Variants in RPS6KC1 observed in about 807,000 individuals in gnomAD.
RPS6KC1 encodes ribosomal protein S6 kinase C1.
A neutral mutation model predicts 103.8 loss-of-function variants in RPS6KC1; 54 were observed. The ratio of observed to expected loss-of-function variants is 0.52; its 90% CI spans 0.42 to 0.65. The LOEUF is 0.65. Ranked by LOEUF, RPS6KC1 falls within the 30% of genes least tolerant of loss-of-function variation. RPS6KC1 has a pLI of 0.00. For synonymous variants in RPS6KC1, 439 were observed against 438.7 expected (o/e 1.00, Z -0.01); for missense variants, 1,151 against 1,253.8 (o/e 0.92, Z 1.24).
the RPS6KC1 span, among the ~76,000 whole-genome samples, chr1:213,745,180 A>G: frequency 6.6e-6 from 1 of 152,078 alleles, no homozygotes; most frequent in Non-Finnish European, 1.5e-5. Flanking sequence ...AATAGGTTGA[A>G]GGAACTGATT....
chr1:213,730,364 G>T, the RPS6KC1 span, among the ~76,000 whole-genome samples: 1 of 152,152 alleles, frequency 6.6e-6, no homozygotes, highest in East Asian at 1.9e-4. Flanking sequence ...TTCCACAATG[G>T]TTGAACTAAT....
the RPS6KC1 span, among the ~76,000 whole-genome samples, chr1:213,295,151 A>G: frequency 2.3e-3 from 343 of 152,272 alleles, 3 homozygotes; most frequent in African/African-American, 7.8e-3. Flanking sequence ...TATCCTGTCA[A>G]TGTGGAAGTT....
At chr1:213,474,523 G>A in the RPS6KC1 span, among the ~76,000 whole-genome samples, 1 of 152,304 alleles carries the variant, frequency 6.6e-6, no homozygotes, top group Admixed American at 6.5e-5. Context: ...AATTTATCAA[G>A]CAGGCTGAAG....
chr1:213,526,971 TTC>T, the RPS6KC1 span, among the ~76,000 whole-genome samples: 1 of 152,228 alleles, frequency 6.6e-6, no homozygotes, highest in Non-Finnish European at 1.5e-5. Context: ...ACTGAGCCAA[TTC>T]ATTGGATGGC....
At chr1:213,660,321 G>T in the RPS6KC1 span, among the ~76,000 whole-genome samples, 2 of 152,220 alleles carry the variant, frequency 1.3e-5, no homozygotes, top group African/African-American at 4.8e-5. Context: ...TCCAGAAGCT[G>T]TAGGGGATTT....
At chr1:213,637,857 G>A in the RPS6KC1 span, among the ~76,000 whole-genome samples, 26 of 151,724 alleles carry the variant, frequency 1.7e-4, no homozygotes, top group Admixed American at 7.9e-4. Context: ...TGTCTCACTC[G>A]TTTGCCTAGG....
Position 213,241,266 on chromosome 1 carries a change from C to G in RPS6KC1, c.1790C>G (p.Pro597Arg). Residue 597 changes from proline (P) to arginine (R), a missense_variant, in exon 11 of 15, where the codon CCC becomes CGC. Coordinates refer to ENST00000366960, the MANE Select transcript of RPS6KC1 (RefSeq NM_012424.6). Reference sequence around the variant, plus strand: ...TCCCTCAGTAGATCAAAAAATAGCCCCATGGAATTCTTTAGGATAGACAGT... The same window carrying G: ...TCCCTCAGTAGATCAAAAAATAGCCGCATGGAATTCTTTAGGATAGACAGT... ...SDSLSRSKNS[P>R]MEFFRIDSKD... The G allele has an allele frequency of 1.9e-6, 3 of 1,613,832 alleles. No individual in the cohort carries two copies. Among genetic ancestry groups the G allele is most frequent in the Non-Finnish European group, 2.5e-6 (3 of 1,179,906 alleles).
intron 12 of RPS6KC1, among the ~76,000 whole-genome samples, chr1:213,259,734 A>ATTTTTTTTTTTTTTTTTTTTTTTTATT (rs71147063): frequency 1.0e-5 from 1 of 97,918 alleles, no homozygotes; most frequent in Non-Finnish European, 1.9e-5. Context: ...TGTTTTTTTA[A>ATTTTTTTTTTTTTTTTTTTTTTTTATT]TTTTTTTTTT....
At chr1:213,862,110 C>A in the RPS6KC1 span, among the ~76,000 whole-genome samples, 4 of 152,160 alleles carry the variant, frequency 2.6e-5, no homozygotes, top group Admixed American at 6.5e-5. Context: ...TTAATAAGGG[C>A]TTTGAAATGG....
the RPS6KC1 span, among the ~76,000 whole-genome samples, chr1:213,725,934 A>G: frequency 6.6e-6 from 1 of 152,132 alleles, no homozygotes; most frequent in Non-Finnish European, 1.5e-5. Flanking sequence ...TTGTGTTACA[A>G]TTTTAATTTT....
chr1:213,288,815 A>G, the RPS6KC1 span, among the ~76,000 whole-genome samples: 2 of 152,202 alleles, frequency 1.3e-5, no homozygotes, highest in Admixed American at 6.5e-5. Context: ...CCTGCTGTTC[A>G]GTTCTGTATT....
At chr1:213,090,783 A>G (rs974856284) in intron 3 of RPS6KC1, among the ~76,000 whole-genome samples, 3 of 152,222 alleles carry the variant, frequency 2.0e-5, no homozygotes, top group Admixed American at 6.5e-5. Context: ...TTACCATACT[A>G]GAAATTTTAG....
chr1:213,667,491 A>G, the RPS6KC1 span, among the ~76,000 whole-genome samples: 1 of 152,252 alleles, frequency 6.6e-6, no homozygotes, highest in Admixed American at 6.5e-5. Flanking sequence ...TTGCTAAAAA[A>G]TGTTAACAAT....
At chr1:213,504,904 C>A in the RPS6KC1 span, among the ~76,000 whole-genome samples, 2 of 152,050 alleles carry the variant, frequency 1.3e-5, no homozygotes, top group South Asian at 4.1e-4. Flanking sequence ...TGTAACTTGT[C>A]TGATATGATG....
chr1:213,701,998 G>A, the RPS6KC1 span, among the ~76,000 whole-genome samples: 7 of 151,710 alleles, frequency 4.6e-5, no homozygotes, highest in Admixed American at 4.6e-4. Context: ...TCTTTAATAA[G>A]CATCATTAGG....
the RPS6KC1 span, among the ~76,000 whole-genome samples, chr1:213,562,688 CAG>C: frequency 6.6e-6 from 1 of 151,872 alleles, no homozygotes; most frequent in Non-Finnish European, 1.5e-5. Context: ...TTTACAGAGA[CAG>C]TCTCACTCTG....
the RPS6KC1 span, among the ~76,000 whole-genome samples, chr1:213,449,866 T>A: frequency 6.6e-6 from 1 of 152,298 alleles, no homozygotes; most frequent in Non-Finnish European, 1.5e-5. Flanking sequence ...ATAATTCTTA[T>A]TAGAGATTGC....
At chr1:213,788,652 G>T in the RPS6KC1 span, among the ~76,000 whole-genome samples, 1 of 152,146 alleles carries the variant, frequency 6.6e-6, no homozygotes, top group Non-Finnish European at 1.5e-5. Flanking sequence ...ATATACTCAG[G>T]AGAGGGCAAT....
Position 213,104,480 on chromosome 1 carries a change from G to T in RPS6KC1, c.289G>T (p.Glu97Ter). 2 of 1,611,490 alleles carry T rather than the reference G, an allele frequency of 1.2e-6. No individual in the cohort carries two copies. The highest frequency in any genetic ancestry group is 2.2e-5 in the South Asian group (2 of 90,906). Residue 97 changes from glutamate (E) to a stop codon, truncating the protein, a stop_gained, in exon 4 of 15, where the codon GAG (glutamate) becomes TAG (stop). Coordinates refer to ENST00000366960, the MANE Select transcript of RPS6KC1 (RefSeq NM_012424.6). LOFTEE classifies it high-confidence loss of function. ...FGRFDETVIE[E>*]RRQCAEDLLQ... ...GCGATTTGATGAAACTGTTATCGAA[G>T]AGAGAAGACAATGTGCTGAAGACCT...
Sources: gnomAD v4.1 joint callset for allele counts (sites outside exome capture counted in the v4.1 genomes callset) on GRCh38, gnomAD v4.1.1 for gene constraint, MANE v1.5 for transcripts, NCBI Gene and HGNC (gene_info 2026-07-23, HGNC 2026-07-21) for gene names.